Variants in IGSF11 observed in about 807,000 individuals in gnomAD.
IGSF11 encodes immunoglobulin superfamily member 11, also known as CXADR like 1.
IGSF11 carries 22 observed loss-of-function variants against 41.0 expected under a neutral mutation model. The ratio of observed to expected loss-of-function variants is 0.54; its 90% CI spans 0.38 to 0.77. IGSF11 has a LOEUF of 0.77. Among genes scored for constraint, IGSF11 ranks in the 30% least tolerant of loss-of-function variants. IGSF11 has a pLI of 0.00. For missense variants in IGSF11, 444 were observed against 530.8 expected (o/e 0.84, Z 1.61); for synonymous variants, 219 against 201.3 (o/e 1.09, Z -0.74).
chr3:119,068,686 T>A (rs1174031624), intron 1 of IGSF11, among the ~76,000 whole-genome samples: 7 of 152,198 alleles, frequency 4.6e-5, no homozygotes, highest in African/African-American at 1.7e-4. Flanking sequence ...GTAAATAATT[T>A]ATTTACTGAT....
chr3:119,012,923 G>C (rs551360577), intron 1 of IGSF11: 4 of 152,364 alleles, frequency 2.6e-5, no homozygotes, highest in African/African-American at 9.6e-5. Context: ...CCTTCCCACT[G>C]CTCAACGGAT....
At chr3:119,052,969 C>G (rs1232942577) in intron 1 of IGSF11, among the ~76,000 whole-genome samples, 1 of 152,124 alleles carries the variant, frequency 6.6e-6, no homozygotes, top group Non-Finnish European at 1.5e-5. Context: ...AAACCCTCTG[C>G]AAAATCAGCA....
At chr3:118,991,334 G>A (rs185798967) in intron 1 of IGSF11, among the ~76,000 whole-genome samples, 6 of 152,222 alleles carry the variant, frequency 3.9e-5, no homozygotes, top group East Asian at 1.9e-4. Context: ...TGGTCTGACC[G>A]TGTCTTATGA....
At chr3:118,981,163 A>G (rs892480829) in intron 1 of IGSF11, among the ~76,000 whole-genome samples, 1 of 151,932 alleles carries the variant, frequency 6.6e-6, no homozygotes, top group South Asian at 2.1e-4. Context: ...TTTGGCATCC[A>G]TTTTATTTTA....
intron 1 of IGSF11, among the ~76,000 whole-genome samples, chr3:119,104,893 T>C (rs1054433227): frequency 6.6e-6 from 1 of 152,164 alleles, no homozygotes; most frequent in African/African-American, 2.4e-5. Flanking sequence ...CTCCAGCATA[T>C]GCATTCTCAA....
chr3:119,084,997 C>T (rs1013202121), intron 1 of IGSF11, among the ~76,000 whole-genome samples: 2 of 146,294 alleles, frequency 1.4e-5, no homozygotes, highest in Admixed American at 1.4e-4. Flanking sequence ...TTCCACAGGG[C>T]TTGTCCAATA....
At chr3:119,043,684 G>C (rs1941208229) in intron 1 of IGSF11, among the ~76,000 whole-genome samples, 1 of 152,188 alleles carries the variant, frequency 6.6e-6, no homozygotes, top group African/African-American at 2.4e-5. Context: ...CACCAGAGCA[G>C]GTTCTGGTAT....
At chr3:119,025,169 A>G (rs1202742844) in intron 1 of IGSF11, among the ~76,000 whole-genome samples, 1 of 152,172 alleles carries the variant, frequency 6.6e-6, no homozygotes, top group Non-Finnish European at 1.5e-5. Flanking sequence ...TATTTTAGGA[A>G]AAGTTTTACA....
At chr3:119,065,643 A>C (rs1942203328) in intron 1 of IGSF11, among the ~76,000 whole-genome samples, 1 of 152,044 alleles carries the variant, frequency 6.6e-6, no homozygotes, top group African/African-American at 2.4e-5. Context: ...AAATACAAAA[A>C]TTAGATGGGC....
chr3:119,033,459 TTGA>T (rs1426624122), intron 1 of IGSF11, among the ~76,000 whole-genome samples: 2 of 152,220 alleles, frequency 1.3e-5, no homozygotes, highest in African/African-American at 2.4e-5. Flanking sequence ...AAAGTTAATT[TTGA>T]TGATAACAGC....
At chr3:119,028,716 T>A (rs192229412) in intron 1 of IGSF11, among the ~76,000 whole-genome samples, 1 of 151,222 alleles carries the variant, frequency 6.6e-6, no homozygotes, top group Non-Finnish European at 1.5e-5. Context: ...AAAAAAACTA[T>A]GAAAATTGAT....
chr3:119,080,403 C>T (rs576586275), intron 1 of IGSF11, among the ~76,000 whole-genome samples: 1 of 152,248 alleles, frequency 6.6e-6, no homozygotes, highest in African/African-American at 2.4e-5. Context: ...CATTTGCAAA[C>T]CACAGCTTTG....
intron 1 of IGSF11, among the ~76,000 whole-genome samples, chr3:118,936,078 GT>G (rs1340285591): frequency 6.6e-6 from 1 of 151,814 alleles, no homozygotes; most frequent in East Asian, 1.9e-4. Flanking sequence ...GGAAATGGGT[GT>G]TTTTTTGCAT....
At chr3:119,039,719 A>G (rs1941044728), upstream of IGSF11, among the ~76,000 whole-genome samples, 1 of 152,142 alleles carries the variant, frequency 6.6e-6, no homozygotes, top group African/African-American at 2.4e-5. Flanking sequence ...TTGAATAGGC[A>G]GGAACATGTT....
intron 1 of IGSF11, among the ~76,000 whole-genome samples, chr3:119,112,397 C>A (rs1400421245): frequency 6.6e-6 from 1 of 152,178 alleles, no homozygotes; most frequent in Non-Finnish European, 1.5e-5. Context: ...ACCCTCCGAG[C>A]CATGTGCGGG....
intron 1 of IGSF11, among the ~76,000 whole-genome samples, chr3:119,114,956 C>T (rs749180622): frequency 3.3e-5 from 5 of 152,142 alleles, no homozygotes; most frequent in South Asian, 2.1e-4. Context: ...CAGACATGTC[C>T]TACATGGCTG....
chr3:118,999,224 T>C (rs1936569826), intron 1 of IGSF11, among the ~76,000 whole-genome samples: 1 of 152,062 alleles, frequency 6.6e-6, no homozygotes, highest in Admixed American at 6.6e-5. Context: ...ATTTGAGCCA[T>C]ATAAATATAT....
chr3:119,022,331 A>G lies in IGSF11; in HGVS notation c.52+12200T>C, dbSNP rs75284255. ...TAGATTTTGTTTAGGGTAATGTAAA[A>G]GTGTTGGAAATAGCGGTGATAGCTG... On this transcript the variant is annotated intron_variant, in intron 1 of 6. Transcript: ENST00000393775. Among the ~76,000 whole-genome samples the G allele has an allele frequency of 4.8e-3, 724 of 152,368 alleles. 15 individuals carry two copies. Among genetic ancestry groups the G allele is most frequent in the African/African-American group, 0.017 (694 of 41,594 alleles).
rs1210504705 is a variant in IGSF11, at chr3:119,057,578, C to T, written c.49+47566G>A. Among the ~76,000 whole-genome samples the T allele has an allele frequency of 2.0e-5, 3 of 152,196 alleles. No individual in the cohort carries two copies. In the East Asian group the frequency reaches 5.8e-4, roughly 29 times the overall value. ...TAATTTATAGATTCAATGCCATCCC[C>T]ATCAAGCTACCAATGACTTTCTTCA... On this transcript the variant is annotated intron_variant, in intron 1 of 6. Transcript: ENST00000354673.
Sources: allele counts gnomAD v4.1 joint callset (sites outside exome capture counted in the v4.1 genomes callset), GRCh38; gene constraint gnomAD v4.1.1; transcripts MANE v1.5; gene names NCBI Gene and HGNC (gene_info 2026-07-23, HGNC 2026-07-21).